Variants in TOP6BL observed in about 807,000 individuals in gnomAD.
The protein encoded by TOP6BL is type 2 DNA topoisomerase 6 subunit B-like.
chr11:66,750,762 C>T, the TOP6BL span, among the ~76,000 whole-genome samples: 75 of 151,796 alleles, frequency 4.9e-4, 1 homozygote, highest in African/African-American at 1.7e-3. Flanking sequence ...TGCAGTGGCA[C>T]AATCATAGCT....
chr11:66,825,333 CA>C, the TOP6BL span, among the ~76,000 whole-genome samples: 12 of 147,956 alleles, frequency 8.1e-5, no homozygotes, highest in African/African-American at 3.0e-4. Flanking sequence ...AAAAAAAATA[CA>C]AAAAAAATTA....
the TOP6BL span, among the ~76,000 whole-genome samples, chr11:66,766,945 G>A: frequency 3.9e-5 from 6 of 152,196 alleles, no homozygotes; most frequent in Middle Eastern, 3.4e-3. Flanking sequence ...ATTCTCCAGC[G>A]TTAAAAATCT....
the TOP6BL span, among the ~76,000 whole-genome samples, chr11:66,775,172 A>G: frequency 2.0e-5 from 3 of 150,090 alleles, no homozygotes; most frequent in Admixed American, 1.3e-4. Context: ...TTTCATTGCT[A>G]TTAAATGGAA....
At chr11:66,766,535 C>T in the TOP6BL span, among the ~76,000 whole-genome samples, 1,146 of 152,274 alleles carry the variant, frequency 7.5e-3, 12 homozygotes, top group African/African-American at 0.026. Flanking sequence ...GTAGAGGCAG[C>T]TCTGCAAATA....
the TOP6BL span, chr11:66,814,043 A>G: frequency 2.5e-6 from 4 of 1,587,062 alleles, no homozygotes; most frequent in Non-Finnish European, 2.6e-6. Flanking sequence ...CTGCACAGGA[A>G]TTAAGACATT....
chr11:66,800,116 C>T, the TOP6BL span, among the ~76,000 whole-genome samples: 1 of 150,590 alleles, frequency 6.6e-6, no homozygotes, highest in Non-Finnish European at 1.5e-5. Flanking sequence ...GTGTATATAC[C>T]ACATTTTCTT....
the TOP6BL span, among the ~76,000 whole-genome samples, chr11:66,766,883 G>A: frequency 6.6e-6 from 1 of 152,158 alleles, no homozygotes; most frequent in Non-Finnish European, 1.5e-5. Context: ...TTCTTGAAAT[G>A]AACTTATTGT....
chr11:66,745,316 G>C, the TOP6BL span, among the ~76,000 whole-genome samples: 6 of 141,272 alleles, frequency 4.2e-5, no homozygotes, highest in Admixed American at 6.9e-5. Context: ...GGGCGGGGTG[G>C]GGGGAGTCGG....
At chr11:66,762,543 C>G in the TOP6BL span, 1 of 190,852 alleles carries the variant, frequency 5.2e-6, no homozygotes, top group Non-Finnish European at 1.1e-5. Flanking sequence ...GATCTTGGTT[C>G]ACTGCAACCT....
At chr11:66,798,619 AAAGTT>A in the TOP6BL span, among the ~76,000 whole-genome samples, 2 of 151,240 alleles carry the variant, frequency 1.3e-5, no homozygotes, top group African/African-American at 2.4e-5. Context: ...AAAAAAAAAA[AAAGTT>A]AAGGGATAGG....
the TOP6BL span, among the ~76,000 whole-genome samples, chr11:66,748,164 G>A: frequency 2.6e-5 from 4 of 152,114 alleles, no homozygotes; most frequent in Non-Finnish European, 5.9e-5. Flanking sequence ...TGGGCATTAT[G>A]TTGAATTTCA....
At chr11:66,762,837 T>A in the TOP6BL span, among the ~76,000 whole-genome samples, 1 of 152,038 alleles carries the variant, frequency 6.6e-6, no homozygotes, top group Non-Finnish European at 1.5e-5. Flanking sequence ...ACAAGATGAA[T>A]ACTCTAAAGA....
At chr11:66,765,947 T>C in the TOP6BL span, among the ~76,000 whole-genome samples, 7 of 152,220 alleles carry the variant, frequency 4.6e-5, no homozygotes, top group Non-Finnish European at 1.0e-4. Flanking sequence ...ACTATTATTA[T>C]TTAGAATTTC....
the TOP6BL span, among the ~76,000 whole-genome samples, chr11:66,779,661 GGTATA>G: frequency 6.6e-6 from 1 of 152,022 alleles, no homozygotes; most frequent in East Asian, 1.9e-4. Context: ...CCCATTACTG[GGTATA>G]TACCCAAAGG....
At chr11:66,790,727 C>A in the TOP6BL span, among the ~76,000 whole-genome samples, 1 of 152,256 alleles carries the variant, frequency 6.6e-6, no homozygotes, top group African/African-American at 2.4e-5. Flanking sequence ...AGTTCCAAGC[C>A]GTGGCCATGG....
At chr11:66,836,963 T>C in the TOP6BL span, among the ~76,000 whole-genome samples, 3 of 151,770 alleles carry the variant, frequency 2.0e-5, no homozygotes, top group Non-Finnish European at 4.4e-5. Context: ...TCTCCCAAAG[T>C]GCTGGGATTA....
the TOP6BL span, among the ~76,000 whole-genome samples, chr11:66,840,666 T>C: frequency 6.6e-6 from 1 of 152,206 alleles, no homozygotes; most frequent in Non-Finnish European, 1.5e-5. Flanking sequence ...GTACTTGCTT[T>C]TTCTGTGGCC....
chr11:66,823,782 A>G, the TOP6BL span, among the ~76,000 whole-genome samples: 1 of 152,184 alleles, frequency 6.6e-6, no homozygotes, highest in Non-Finnish European at 1.5e-5. Context: ...ACCCCACTGC[A>G]CTCCAGCCTG....
At chr11:66,831,621 A>G in the TOP6BL span, among the ~76,000 whole-genome samples, 1 of 152,220 alleles carries the variant, frequency 6.6e-6, no homozygotes, top group African/African-American at 2.4e-5. Context: ...AAAGGGCAGC[A>G]GGATGCTTGC....
Sources: allele counts gnomAD v4.1 joint callset (sites outside exome capture counted in the v4.1 genomes callset), GRCh38; gene constraint gnomAD v4.1.1; transcripts MANE v1.5; gene names NCBI Gene and HGNC (gene_info 2026-07-23, HGNC 2026-07-21).